Variants in RAB27A observed in about 807,000 individuals in gnomAD.
RAB27A encodes RAB27A, member RAS oncogene family.
A neutral mutation model predicts 20.8 loss-of-function variants in RAB27A; 17 were observed. That is an observed-to-expected ratio of 0.82 (90% CI 0.56 to 1.23). The LOEUF (loss-of-function observed/expected upper bound fraction) is 1.23, where lower values mean the gene tolerates loss of function less well. RAB27A is among the 50% of genes most tolerant of loss of function. RAB27A has a pLI of 0.00. For missense variants in RAB27A, 277 were observed against 266.7 expected, an observed-to-expected ratio of 1.04 and a Z score of -0.27; for synonymous variants, 85 against 92.8, an observed-to-expected ratio of 0.92 and a Z score of 0.48.
At chr15:55,274,824 AT>A (rs1163855845) in intron 1 of RAB27A, among the ~76,000 whole-genome samples, 6 of 136,372 alleles carry the variant, frequency 4.4e-5, no homozygotes, top group African/African-American at 1.6e-4. Flanking sequence ...ATATATATAT[AT>A]GTATAGAGAG....
At chr15:55,259,410 CAAT>C (rs1196097752) in intron 2 of RAB27A, among the ~76,000 whole-genome samples, 2 of 151,724 alleles carry the variant, frequency 1.3e-5, no homozygotes, top group South Asian at 2.1e-4. Flanking sequence ...CTCAGCCTCC[CAAT>C]AACTGGGACT....
chr15:55,262,481 G>T (rs1897307403), intron 2 of RAB27A, among the ~76,000 whole-genome samples: 1 of 150,114 alleles, frequency 6.7e-6, no homozygotes, highest in Non-Finnish European at 1.5e-5. Flanking sequence ...GGCAGAGCTT[G>T]CAGTGAGCCG....
chr15:55,213,355 G>C (rs955726897), intron 6 of RAB27A, among the ~76,000 whole-genome samples: 2 of 152,158 alleles, frequency 1.3e-5, no homozygotes, highest in Non-Finnish European at 2.9e-5. Flanking sequence ...GCTAGTAACA[G>C]CTTCTATATG....
At chr15:55,212,399 G>A (rs1408888350) in intron 6 of RAB27A, among the ~76,000 whole-genome samples, 1 of 152,136 alleles carries the variant, frequency 6.6e-6, no homozygotes, top group Non-Finnish European at 1.5e-5. Context: ...CGCTGGCTTT[G>A]GGGAGTATTC....
intron 2 of RAB27A, among the ~76,000 whole-genome samples, chr15:55,303,293 G>A (rs1188828996): frequency 1.0e-4 from 11 of 106,750 alleles, no homozygotes; most frequent in South Asian, 3.5e-4. Context: ...CAGCCGCCCC[G>A]TCCGGGAGGG....
In RAB27A at chr15:55,274,328, T is replaced by G. The variant is rs150658563; in HGVS notation, c.-142-4044A>C. Among the ~76,000 whole-genome samples, 228 of 151,762 alleles carry G rather than the reference T, an allele frequency of 1.5e-3. 1 individual carries two copies. The highest frequency in any genetic ancestry group is 5.2e-3 in the African/African-American group (217 of 41,364). On this transcript the variant is annotated intron_variant, in intron 1 of 6. Transcript: ENST00000336787. ...TCCAGTAAACAACCTAAGTTTATAC[T>G]GCAACAAACTAGAAAAAAGGTAACA...
intron 2 of RAB27A, among the ~76,000 whole-genome samples, chr15:55,265,017 C>T (rs1278323630): frequency 6.6e-5 from 10 of 152,136 alleles, no homozygotes; most frequent in Middle Eastern, 3.4e-3. Context: ...CCGAGGTGGG[C>T]GGATCACCTG....
At chr15:55,211,468 C>T (rs886219988) in intron 6 of RAB27A, among the ~76,000 whole-genome samples, 3 of 152,078 alleles carry the variant, frequency 2.0e-5, no homozygotes, top group Non-Finnish European at 2.9e-5. Flanking sequence ...AGATGCTTCA[C>T]TTCTTTGGTT....
chr15:55,219,311 A>G (rs1020389402), intron 6 of RAB27A, among the ~76,000 whole-genome samples: 1 of 152,180 alleles, frequency 6.6e-6, no homozygotes, highest in African/African-American at 2.4e-5. Context: ...GGATTTTCCA[A>G]TGAGAAGTCA....
intron 6 of RAB27A, among the ~76,000 whole-genome samples, chr15:55,222,761 T>C (rs1895632064): frequency 6.6e-6 from 1 of 151,322 alleles, no homozygotes; most frequent in South Asian, 2.1e-4. Context: ...AGCCACAAAC[T>C]AGGTAACATC....
At position 55,313,312 on chromosome 15, in the gene RAB27A, C is replaced by T. The variant is rs540536060; in HGVS notation, c.-112+727G>A. 3.3e-5 allele frequency among the ~76,000 whole-genome samples: 5 copies of T among 152,042 alleles called. No homozygotes were observed. The South Asian group carries it at 6.2e-4, about 19-fold the overall frequency. ...GTACAACTATAGTCGATGAGACGAG[C>T]GGAATCACGTGAGCCCAGGAGTTCA... On this transcript the variant is annotated intron_variant, in intron 2 of 5. Transcript: ENST00000563262.
intron 2 of RAB27A, among the ~76,000 whole-genome samples, chr15:55,260,698 A>C (rs978969157): frequency 1.3e-5 from 2 of 152,244 alleles, no homozygotes; most frequent in African/African-American, 4.8e-5. Flanking sequence ...TATGATTCCA[A>C]CTATGTGGCA....
chr15:55,308,665 C>T (rs757707258), intron 2 of RAB27A, among the ~76,000 whole-genome samples: 10 of 152,164 alleles, frequency 6.6e-5, no homozygotes, highest in Non-Finnish European at 1.0e-4. Flanking sequence ...CTTCATTGTC[C>T]GGAAGAAATG....
rs1411113252 is a variant in RAB27A, at chr15:55,205,686, T to C, written c.487A>G (p.Ser163Gly). 1.2e-6 allele frequency: 2 copies of C among 1,613,818 alleles called. No individual in the cohort carries two copies. Among genetic ancestry groups the C allele is most frequent in the Non-Finnish European group, 1.7e-6 (2 of 1,179,758 alleles). The change falls in exon 7 of 7, where the codon AGT becomes GGT. Residue 163 changes from serine to glycine, a missense_variant. Physicochemically the swap from Ser to Gly is moderately conservative, Grantham distance 56. Transcript: ENST00000336787. ...CTTATGTTTGTCCCATTGGCAGCAC[T>C]AGTTTCAAAGTAGGGGATTCTGGAA... is the stretch of plus-strand genomic sequence containing the variant. ...EKYGIPYFET[S>G]AANGTNISQA...
chr15:55,255,225 C>T (rs369968596), intron 2 of RAB27A, among the ~76,000 whole-genome samples: 1 of 152,290 alleles, frequency 6.6e-6, no homozygotes, highest in South Asian at 2.1e-4. Flanking sequence ...CAAACTGAAA[C>T]CAAACTGCAA....
intron 6 of RAB27A, among the ~76,000 whole-genome samples, chr15:55,215,343 C>A (rs1263573536): frequency 6.6e-6 from 1 of 152,118 alleles, no homozygotes; most frequent in African/African-American, 2.4e-5. Flanking sequence ...TTATCAACAA[C>A]ATGGATCAAT....
At chr15:55,268,308 C>T (rs945371853) in intron 2 of RAB27A, among the ~76,000 whole-genome samples, 1 of 152,158 alleles carries the variant, frequency 6.6e-6, no homozygotes, top group Non-Finnish European at 1.5e-5. Context: ...ATTGTTTGGT[C>T]ACCACACTGG....
chr15:55,260,366 A>G (rs1897230803), intron 2 of RAB27A, among the ~76,000 whole-genome samples: 1 of 152,250 alleles, frequency 6.6e-6, no homozygotes, highest in Non-Finnish European at 1.5e-5. Context: ...GCCCTTTGTT[A>G]TAGACAGTTT....
upstream of RAB27A, among the ~76,000 whole-genome samples, chr15:55,294,694 C>G (rs2141140176): frequency 6.8e-6 from 1 of 147,298 alleles, no homozygotes; most frequent in East Asian, 2.0e-4. Context: ...CAAAATGAAT[C>G]AAATAGCTGA....
Sources: gnomAD v4.1 joint callset for allele counts (sites outside exome capture counted in the v4.1 genomes callset) on GRCh38, gnomAD v4.1.1 for gene constraint, MANE v1.5 for transcripts, NCBI Gene and HGNC (gene_info 2026-07-23, HGNC 2026-07-21) for gene names.